Variants in VWA3B observed in about 807,000 individuals in gnomAD.
The protein encoded by VWA3B is von Willebrand factor A domain containing 3B.
VWA3B carries 138 observed loss-of-function variants against 158.3 expected under a neutral mutation model. The observed-to-expected ratio is 0.87, with a 90% CI of 0.76 to 1.00. The LOEUF (loss-of-function observed/expected upper bound fraction) is 1.00, where lower values mean the gene tolerates loss of function less well. VWA3B is among the 50% of genes least tolerant of loss of function. The pLI, the probability that VWA3B is intolerant of heterozygous loss-of-function variation, is 0.00. For missense variants in VWA3B, 1,555 were observed against 1,565.1 expected (o/e 0.99, Z 0.11); for synonymous variants, 596 against 587.3 (o/e 1.01, Z -0.21).
At chr2:98,155,311 T>C (rs1677969344) in intron 7 of VWA3B, among the ~76,000 whole-genome samples, 1 of 152,128 alleles carries the variant, frequency 6.6e-6, no homozygotes, top group African/African-American at 2.4e-5. Flanking sequence ...TATAAGCCCC[T>C]TGAAGGAAAA....
chr2:98,311,689 C>A, intron 26 of VWA3B, 130 bp from the exon 27 acceptor site: 1 of 1,121,872 alleles, frequency 8.9e-7, no homozygotes, highest in Non-Finnish European at 1.2e-6. Context: ...CACAGCGCTC[C>A]AGAGACTCCT....
chr2:98,204,692 T>C (rs1682864338), intron 12 of VWA3B, among the ~76,000 whole-genome samples: 1 of 152,242 alleles, frequency 6.6e-6, no homozygotes, highest in Non-Finnish European at 1.5e-5. Flanking sequence ...GCTGTCTTTG[T>C]CTGCTTTGCG....
intron 22 of VWA3B, among the ~76,000 whole-genome samples, chr2:98,288,588 GATTA>G (rs1048103375): frequency 3.9e-5 from 6 of 152,096 alleles, no homozygotes; most frequent in African/African-American, 9.7e-5. Flanking sequence ...GAGATTTCCA[GATTA>G]ATTATTAATT....
Position 98,234,703 on chromosome 2 carries a change from T to C in VWA3B, c.2364T>C (p.Ala788=). Reference sequence around the variant, plus strand: ...AGATGTCCTCCCTCAGGAGCTCAGCTTGCAGTGAAAGGAAGGATGGCCTCT... The same window carrying C: ...AGATGTCCTCCCTCAGGAGCTCAGCCTGCAGTGAAAGGAAGGATGGCCTCT... ...RSQMSSLRSS[A]CSERKDGLSN... is the part of the protein sequence containing the mutation. The change falls in exon 17 of 28, where the codon GCT becomes GCC. Residue 788 remains alanine, a synonymous_variant. Coordinates refer to ENST00000477737, the MANE Select transcript of VWA3B (RefSeq NM_144992.5). The C allele has an allele frequency of 6.2e-7, 1 of 1,614,228 alleles. No individual in the cohort carries two copies. The highest frequency in any genetic ancestry group is 1.1e-5 in the South Asian group (1 of 91,082).
At chr2:98,106,716 T>G (rs911434333) in intron 2 of VWA3B, among the ~76,000 whole-genome samples, 1 of 152,238 alleles carries the variant, frequency 6.6e-6, no homozygotes, top group Non-Finnish European at 1.5e-5. Context: ...GAAATATGAC[T>G]GACTTTTGCA....
intron 13 of VWA3B, among the ~76,000 whole-genome samples, chr2:98,212,891 A>C (rs1683653947): frequency 6.6e-6 from 1 of 152,118 alleles, no homozygotes; most frequent in Non-Finnish European, 1.5e-5. Flanking sequence ...GTGTGGTGCC[A>C]GGGTCTGAGG....
At chr2:98,097,030 A>G (rs1437010497) in intron 2 of VWA3B, among the ~76,000 whole-genome samples, 8 of 152,128 alleles carry the variant, frequency 5.3e-5, no homozygotes, top group African/African-American at 1.9e-4. Context: ...CTTTTGCTGT[A>G]CCCATAGGTT....
At chr2:98,185,243 C>G (rs944865922) in intron 9 of VWA3B, among the ~76,000 whole-genome samples, 2 of 152,200 alleles carry the variant, frequency 1.3e-5, no homozygotes, top group Non-Finnish European at 2.9e-5. Context: ...TCTCCTCCAC[C>G]AGGATATAAA....
chr2:98,260,289 G>C (rs897274490), intron 21 of VWA3B, among the ~76,000 whole-genome samples: 1 of 151,588 alleles, frequency 6.6e-6, no homozygotes, highest in Admixed American at 6.6e-5. Context: ...CTGTCTAGAT[G>C]TTTTATCCAT....
At chr2:98,250,565 G>C in intron 20 of VWA3B, 129 bp downstream of exon 20, 1 of 750,406 alleles carries the variant, frequency 1.3e-6, no homozygotes, top group Non-Finnish European at 2.1e-6. Flanking sequence ...GTTCAGGCTG[G>C]GTGTGGTAGT....
chr2:98,265,324 G>C (rs1022784182), intron 21 of VWA3B, among the ~76,000 whole-genome samples: 5 of 151,398 alleles, frequency 3.3e-5, no homozygotes, highest in African/African-American at 1.2e-4. Context: ...ATAGTTTACT[G>C]AGAATGATGA....
chr2:98,163,367 G>A (rs1227344669), intron 8 of VWA3B, among the ~76,000 whole-genome samples: 4 of 152,034 alleles, frequency 2.6e-5, no homozygotes, highest in South Asian at 2.1e-4. Context: ...GTGAAACCCC[G>A]TCTCTACTGA....
rs915298966 is a variant in VWA3B, at chr2:98,269,364, C to T, written c.2844-1318C>T. 5 of 152,140 alleles carry T rather than the reference C, an allele frequency of 3.3e-5. No individual in the cohort carries two copies. In the East Asian group the frequency reaches 5.8e-4, roughly 18 times the overall value. The allele number at this position is 152,140 out of a possible 1,614,324, so 9.4% of individuals were successfully genotyped here. On this transcript the variant is annotated intron_variant, in intron 21 of 27. Coordinates refer to ENST00000477737, the MANE Select transcript of VWA3B (RefSeq NM_144992.5). ...CAGGAGCCTGTAATATCTTGTTCCC[C>T]CTGGTGTCTCTCTGAAGTACTGCAG...
At chr2:98,279,962 T>C (rs184826649) in intron 22 of VWA3B, among the ~76,000 whole-genome samples, 319 of 152,340 alleles carry the variant, frequency 2.1e-3, no homozygotes, top group Non-Finnish European at 3.7e-3. Flanking sequence ...AGACTCAGAA[T>C]TCATTTGCAC....
chr2:98,230,346 T>A, intron 16 of VWA3B, 139 bp downstream of exon 16: 2 of 882,218 alleles, frequency 2.3e-6, no homozygotes, highest in Non-Finnish European at 3.2e-6. Flanking sequence ...ATTAAAATAA[T>A]TGTACATTCA....
intron 7 of VWA3B, among the ~76,000 whole-genome samples, chr2:98,142,408 C>T (rs1676849912): frequency 6.6e-6 from 1 of 152,168 alleles, no homozygotes; most frequent in South Asian, 2.1e-4. Flanking sequence ...TGAGAAAAAG[C>T]CTGGCTCCTT....
At chr2:98,317,265 A>G (rs1691106552), downstream of VWA3B, among the ~76,000 whole-genome samples, 1 of 152,232 alleles carries the variant, frequency 6.6e-6, no homozygotes, top group South Asian at 2.1e-4. Context: ...AGTAAAAACA[A>G]CAGCAAACGT....
Position 98,304,309 on chromosome 2 carries a change from G to A in VWA3B, c.3521+507G>A, listed in dbSNP as rs972005182. On this transcript the variant is annotated intron_variant, in intron 26 of 27. Transcript: ENST00000477737. ...AGACTAAAGCCAAGGCAAAAGGAAA[G>A]GGGGAGGCCTGCAGAGCAAACACGA... 2.6e-5 allele frequency among the ~76,000 whole-genome samples: 4 copies of A among 152,298 alleles called. No individual in the cohort carries two copies. In the South Asian group the frequency reaches 8.3e-4, roughly 32 times the overall value.
At chr2:98,185,849 A>T (rs573820550) in intron 9 of VWA3B, among the ~76,000 whole-genome samples, 1 of 152,286 alleles carries the variant, frequency 6.6e-6, no homozygotes, top group African/African-American at 2.4e-5. Flanking sequence ...GCACACACAC[A>T]TTCTGCCATT....
Sources: gnomAD v4.1 joint callset for allele counts (sites outside exome capture counted in the v4.1 genomes callset) on GRCh38, gnomAD v4.1.1 for gene constraint, MANE v1.5 for transcripts, NCBI Gene and HGNC (gene_info 2026-07-23, HGNC 2026-07-21) for gene names.